CCDC178: variants seen among roughly 807,000 people sequenced by gnomAD.
The protein encoded by CCDC178 is coiled-coil domain containing 178, also known as coiled-coil domain-containing protein 178.
A neutral mutation model predicts 117.4 loss-of-function variants in CCDC178; 126 were observed. The observed-to-expected ratio is 1.07, with a 90% CI of 0.93 to 1.24. The LOEUF (loss-of-function observed/expected upper bound fraction) is 1.24, where lower values mean the gene tolerates loss of function less well. CCDC178 is among the 50% of genes most tolerant of loss of function. CCDC178 has a pLI of 0.00. For missense variants in CCDC178, 1,030 were observed against 986.9 expected (o/e 1.04, Z -0.59); for synonymous variants, 283 against 313.4 (o/e 0.90, Z 1.02).
chr18:32,959,476 T>C (rs1233250005), intron 22 of CCDC178, among the ~76,000 whole-genome samples: 1 of 152,132 alleles, frequency 6.6e-6, no homozygotes, highest in Non-Finnish European at 1.5e-5. Flanking sequence ...TTTTACTGAG[T>C]CCCTTTCTCC....
intron 20 of CCDC178, among the ~76,000 whole-genome samples, chr18:33,115,048 A>G (rs762716623): frequency 1.3e-5 from 2 of 152,092 alleles, no homozygotes; most frequent in Non-Finnish European, 2.9e-5. Flanking sequence ...ATGTTGCACC[A>G]GAGAGAGGAA....
At position 33,092,809 on chromosome 18, in the gene CCDC178, T is replaced by C; in HGVS notation, c.2340A>G (p.Ile780Met). The change falls in exon 21 of 23, where the codon ATA becomes ATG. Residue 780 changes from isoleucine (I) to methionine (M), a missense_variant. Transcript: ENST00000383096. ...TATCAAGTGATAGCTGTTTATCATATATATTGAAATAATTGTCCTTTTCTT... is the reference window on the plus strand; with the variant it reads ...TATCAAGTGATAGCTGTTTATCATACATATTGAAATAATTGTCCTTTTCTT... ...FLKEKDNYFN[I>M]YDKQLSLDTS... 2 of 1,552,504 alleles carry C rather than the reference T, an allele frequency of 1.3e-6. No individual in the cohort carries two copies. The highest frequency in any genetic ancestry group is 1.2e-5 in the South Asian group (1 of 86,742).
At chr18:33,260,290 C>A (rs757293783) in intron 14 of CCDC178, among the ~76,000 whole-genome samples, 8 of 152,024 alleles carry the variant, frequency 5.3e-5, no homozygotes, top group Non-Finnish European at 1.0e-4. Context: ...CAGAGTATTC[C>A]TTTGTATGAC....
intron 14 of CCDC178, among the ~76,000 whole-genome samples, chr18:33,258,181 A>T (rs969883734): frequency 1.3e-5 from 2 of 152,178 alleles, no homozygotes; most frequent in African/African-American, 2.4e-5. Context: ...AAAATATAAG[A>T]TTATGAAAAT....
At chr18:32,939,892 A>T (rs959668644) in intron 22 of CCDC178, among the ~76,000 whole-genome samples, 1 of 152,162 alleles carries the variant, frequency 6.6e-6, no homozygotes, top group Non-Finnish European at 1.5e-5. Context: ...CTAATGGAAG[A>T]ACAATGAATC....
intron 2 of CCDC178, among the ~76,000 whole-genome samples, chr18:33,418,447 C>T (rs1449316698): frequency 6.6e-6 from 1 of 152,152 alleles, no homozygotes; most frequent in East Asian, 1.9e-4. Flanking sequence ...AGGATTCCCA[C>T]TGTCACCACT....
intron 15 of CCDC178, among the ~76,000 whole-genome samples, chr18:33,228,162 C>G (rs910762965): frequency 6.6e-6 from 1 of 152,116 alleles, no homozygotes; most frequent in Non-Finnish European, 1.5e-5. Flanking sequence ...GCTGAAGAAA[C>G]AAACAACTCT....
chr18:32,979,633 TGTG>T (rs1319477344), intron 21 of CCDC178, among the ~76,000 whole-genome samples: 7 of 152,154 alleles, frequency 4.6e-5, no homozygotes, highest in Non-Finnish European at 1.0e-4. Context: ...GGAGGTATAA[TGTG>T]GTCATATATG....
At chr18:32,962,465 T>C (rs935028662) in intron 22 of CCDC178, among the ~76,000 whole-genome samples, 3 of 152,130 alleles carry the variant, frequency 2.0e-5, no homozygotes, top group Non-Finnish European at 4.4e-5. Flanking sequence ...CTCTCCACTT[T>C]CATGTATCTA....
intron 4 of CCDC178, 49 bp from the exon 5 acceptor site, chr18:33,389,678 A>G (rs2063541461): frequency 1.1e-6 from 1 of 928,308 alleles, no homozygotes; most frequent in African/African-American, 1.8e-5. Context: ...AATATTATAG[A>G]AAATTTTAAA....
intron 21 of CCDC178, chr18:32,983,146 A>G: frequency 1.9e-6 from 1 of 513,648 alleles, no homozygotes; most frequent in Middle Eastern, 2.8e-4. Flanking sequence ...TCTAAAAAAA[A>G]AAAAACCACT....
intron 21 of CCDC178, among the ~76,000 whole-genome samples, chr18:33,000,724 AAATATCTTT>A (rs1390513880): frequency 6.6e-6 from 1 of 152,226 alleles, no homozygotes; most frequent in African/African-American, 2.4e-5. Flanking sequence ...TATCCAGTGA[AAATATCTTT>A]AAATATGAAG....
At chr18:33,414,296 C>T (rs2063901724) in intron 2 of CCDC178, among the ~76,000 whole-genome samples, 2 of 151,978 alleles carry the variant, frequency 1.3e-5, no homozygotes, top group African/African-American at 4.8e-5. Context: ...TGTGACTAGG[C>T]TGAATAAGGA....
intron 10 of CCDC178, among the ~76,000 whole-genome samples, chr18:33,330,871 A>G (rs573230410): frequency 6.6e-6 from 1 of 152,080 alleles, no homozygotes; most frequent in Non-Finnish European, 1.5e-5. Context: ...TTTACTCTAA[A>G]TCTACCAATT....
intron 22 of CCDC178, among the ~76,000 whole-genome samples, chr18:32,960,444 G>A (rs536233558): frequency 2.2e-4 from 33 of 152,168 alleles, no homozygotes; most frequent in African/African-American, 7.9e-4. Context: ...GGGAGATTTT[G>A]ACAACAGTCA....
At chr18:33,261,709 T>C (rs2059753308) in intron 14 of CCDC178, among the ~76,000 whole-genome samples, 1 of 152,160 alleles carries the variant, frequency 6.6e-6, no homozygotes, top group South Asian at 2.1e-4. Context: ...TAAATAGTCA[T>C]TTTAAAATTA....
intron 21 of CCDC178, among the ~76,000 whole-genome samples, chr18:33,032,137 T>C (rs981834745): frequency 6.6e-5 from 10 of 152,164 alleles, no homozygotes; most frequent in African/African-American, 2.4e-4. Context: ...TCTGGGGTGC[T>C]AGTGCTCCAT....
chr18:33,334,105 G>T (rs1158520018), intron 9 of CCDC178, among the ~76,000 whole-genome samples: 1 of 151,658 alleles, frequency 6.6e-6, no homozygotes, highest in African/African-American at 2.4e-5. Flanking sequence ...TTTTCTTATA[G>T]AAAAACACAT....
chr18:33,378,301 G>A (rs141485198), intron 5 of CCDC178, among the ~76,000 whole-genome samples: 16 of 152,248 alleles, frequency 1.1e-4, no homozygotes, highest in Admixed American at 6.5e-5. Context: ...TTTGTACTGT[G>A]AAATTTTACT....
Sources: gnomAD v4.1 joint callset for allele counts (sites outside exome capture counted in the v4.1 genomes callset) on GRCh38, gnomAD v4.1.1 for gene constraint, MANE v1.5 for transcripts, NCBI Gene and HGNC (gene_info 2026-07-23, HGNC 2026-07-21) for gene names.